ZNF599: variants seen among roughly 807,000 people sequenced by gnomAD.
The protein encoded by ZNF599 is zinc finger protein 599.
ZNF599 carries 10 observed loss-of-function variants against 11.7 expected under a neutral mutation model. The ratio of observed to expected loss-of-function variants is 0.86; its 90% CI spans 0.53 to 1.45. The LOEUF (loss-of-function observed/expected upper bound fraction) is 1.45, where lower values mean the gene tolerates loss of function less well. ZNF599 is among the 40% of genes most tolerant of loss of function. The pLI, the probability that ZNF599 is intolerant of heterozygous loss-of-function variation, is 0.00. For missense variants in ZNF599, 688 were observed against 713.6 expected (o/e 0.96, Z 0.41); for synonymous variants, 232 against 253.2 (o/e 0.92, Z 0.79).
chr19:34,767,357 A>G lies in ZNF599; in HGVS notation c.200T>C (p.Leu67Pro). Reference protein sequence around the residue: ...LIYLLEHGQELWTVKRGLSQS... With the variant: ...LIYLLEHGQEPWTVKRGLSQS... ...GGAGAGGCCTCTCTTCACTGTCCAC[A>G]GTTCCTGTCCATGTTCCAGTAGATA... Residue 67 changes from leucine (L) to proline (P), a missense_variant, in exon 3 of 4, where the codon CTG (leucine) becomes CCG (proline). Transcript: ENST00000329285. 1 of 1,614,196 alleles carries G rather than the reference A, an allele frequency of 6.2e-7. No individual in the cohort carries two copies. The highest frequency in any genetic ancestry group is 8.5e-7 in the Non-Finnish European group (1 of 1,180,028).
At chr19:34,791,264 G>A in the ZNF599 span, among the ~76,000 whole-genome samples, 1 of 152,172 alleles carries the variant, frequency 6.6e-6, no homozygotes, top group Non-Finnish European at 1.5e-5. Context: ...GCAATGTATG[G>A]GTGCAAGTGG....
intron 3 of ZNF599, among the ~76,000 whole-genome samples, chr19:34,761,931 T>A (rs1313910023): frequency 1.3e-5 from 2 of 151,926 alleles, no homozygotes; most frequent in Non-Finnish European, 2.9e-5. Context: ...AGAGTAAATA[T>A]AATAAACAAA....
chr19:34,773,730 C>T (rs1334772256), upstream of ZNF599, among the ~76,000 whole-genome samples: 2 of 152,184 alleles, frequency 1.3e-5, no homozygotes, highest in African/African-American at 4.8e-5. Flanking sequence ...CTCTGCTTAA[C>T]TTGTCCAGGA....
the ZNF599 span, among the ~76,000 whole-genome samples, chr19:34,806,986 C>T: frequency 6.6e-6 from 1 of 152,130 alleles, no homozygotes; most frequent in African/African-American, 2.4e-5. Context: ...GGCAAATGGG[C>T]CCAGTTTGGT....
chr19:34,774,091 C>T (rs1239084523), upstream of ZNF599, among the ~76,000 whole-genome samples: 1 of 152,160 alleles, frequency 6.6e-6, no homozygotes, highest in Non-Finnish European at 1.5e-5. Flanking sequence ...ACGGTATATG[C>T]AGGAGGGTTT....
At position 34,758,962 on chromosome 19, in the gene ZNF599, A is replaced by C. The variant is rs568424916; in HGVS notation, c.*72T>G. 6 of 1,468,040 alleles carry C rather than the reference A, an allele frequency of 4.1e-6. No individual in the cohort carries two copies. In the African/African-American group the frequency reaches 8.5e-5, roughly 21 times the overall value. 90.9% of individuals were successfully genotyped at this position (1,468,040 alleles called of 1,614,324 possible). A position where few individuals can be genotyped will look rare whatever the true frequency, so the allele number is the denominator to read the frequency against. On this transcript the variant is annotated 3_prime_UTR_variant, in exon 4 of 4. Transcript: ENST00000329285. ...AATATTTCCCTCAATAGTTATACTC[A>C]AAAGGAAAGGTATGTCACCACTATG...
upstream of ZNF599, among the ~76,000 whole-genome samples, chr19:34,777,439 ATATATATTAATTAATATATAATATAT>A (rs1002993561): frequency 2.0e-4 from 19 of 94,882 alleles, no homozygotes; most frequent in South Asian, 3.4e-3. Flanking sequence ...ATAATATATG[ATATATATTAATTAATATATAATATAT>A]TATATATTAA....
chr19:34,773,165 G>T lies in ZNF599; in HGVS notation c.-324C>A, dbSNP rs970122731. ...TGTCTGGCGTTCTACCCAGTGTAGC[G>T]TTGGCAACCACAGCAGCCGCAACCT... On this transcript the variant is annotated 5_prime_UTR_variant, in exon 1 of 4. Coordinates refer to ENST00000329285, the MANE Select transcript of ZNF599 (RefSeq NM_001007248.3). The T allele has an allele frequency of 1.7e-5, 6 of 348,850 alleles. No individual in the cohort carries two copies. Among genetic ancestry groups the T allele is most frequent in the Admixed American group, 1.4e-4 (3 of 21,372 alleles). The allele number at this position is 348,850 out of a possible 1,614,324, so 21.6% of individuals were successfully genotyped here.
chr19:34,800,535 C>T, the ZNF599 span, among the ~76,000 whole-genome samples: 123 of 150,486 alleles, frequency 8.2e-4, 1 homozygote, highest in South Asian at 7.8e-3. Context: ...ATGAGCCCTT[C>T]GAAGGCATTC....
At position 34,758,908 on chromosome 19, in the gene ZNF599, A is replaced by T; in HGVS notation, c.*126T>A. The T allele has an allele frequency of 1.1e-6, 1 of 891,634 alleles. No individual in the cohort carries two copies. The highest frequency in any genetic ancestry group is 1.8e-5 in the South Asian group (1 of 55,808). 55.2% of individuals were successfully genotyped at this position (891,634 alleles called of 1,614,324 possible). On this transcript the variant is annotated 3_prime_UTR_variant, in exon 4 of 4. Coordinates refer to ENST00000329285, the MANE Select transcript of ZNF599 (RefSeq NM_001007248.3). ...ATTCTGTTTCTAGTTAGTATAAATT[A>T]TCAGATACTAAGACATCTCTCTGGC...
At chr19:34,801,060 G>A in the ZNF599 span, among the ~76,000 whole-genome samples, 1 of 152,150 alleles carries the variant, frequency 6.6e-6, no homozygotes, top group Admixed American at 6.5e-5. Context: ...CCTCTGTGTG[G>A]TAAACATGAG....
At chr19:34,768,293 T>C (rs1256441977) in intron 2 of ZNF599, among the ~76,000 whole-genome samples, 2 of 152,250 alleles carry the variant, frequency 1.3e-5, no homozygotes, top group African/African-American at 4.8e-5. Context: ...ATGCTGCTCA[T>C]GTTGGTCCCT....
the ZNF599 span, among the ~76,000 whole-genome samples, chr19:34,806,583 T>G: frequency 6.6e-6 from 1 of 152,160 alleles, no homozygotes. Flanking sequence ...TGCAACAAAG[T>G]TGGCTGATGA....
chr19:34,759,240 T>C lies in ZNF599; in HGVS notation c.1561A>G (p.Asn521Asp). The C allele has an allele frequency of 6.2e-7, 1 of 1,614,050 alleles. No individual in the cohort carries two copies. ...ECGKAFTQPA[N>D]FVRHNRIHTG... ...TGGATCCTATTATGCCGAACAAAAT[T>C]TGCAGGTTGGGTAAAAGCCTTTCCA... Residue 521 changes from asparagine (N) to aspartate (D), a missense_variant, in exon 4 of 4, where the codon AAT becomes GAT. Asn to Asp is a conservative substitution (Grantham distance 23). Transcript: ENST00000329285.
rs773936046 is a variant in ZNF599, at chr19:34,758,088, ATTT to A, written c.*943_*945del. On this transcript the variant is annotated 3_prime_UTR_variant, in exon 4 of 4. Transcript: ENST00000329285. ...TACACAAACATGCTATAATTAAAAT[ATTT>A]TTATTATAAAGAATAATTATAATTA... 4.6e-5 allele frequency: 7 copies of A among 152,104 alleles called. No individual in the cohort carries two copies. Among genetic ancestry groups the A allele is most frequent in the Non-Finnish European group, 8.8e-5 (6 of 68,028 alleles). The allele number at this position is 152,104 out of a possible 1,614,324, so 9.4% of individuals were successfully genotyped here.
At chr19:34,799,561 T>C in the ZNF599 span, among the ~76,000 whole-genome samples, 2 of 152,238 alleles carry the variant, frequency 1.3e-5, no homozygotes, top group Non-Finnish European at 2.9e-5. Flanking sequence ...TGAACTTAAG[T>C]TCAAAATATG....
the ZNF599 span, among the ~76,000 whole-genome samples, chr19:34,799,928 A>G: frequency 6.6e-6 from 1 of 152,266 alleles, no homozygotes; most frequent in African/African-American, 2.4e-5. Flanking sequence ...CTTCCACTCT[A>G]CATACTTGTC....
At chr19:34,784,681 T>A in the ZNF599 span, among the ~76,000 whole-genome samples, 1 of 152,018 alleles carries the variant, frequency 6.6e-6, no homozygotes, top group Non-Finnish European at 1.5e-5. Context: ...GACTGGTGAA[T>A]AAACTCCATC....
chr19:34,761,486 G>C (rs888679871), intron 3 of ZNF599, among the ~76,000 whole-genome samples: 1 of 152,142 alleles, frequency 6.6e-6, no homozygotes, highest in Non-Finnish European at 1.5e-5. Context: ...TAGAGACCAG[G>C]ATAACTCTGA....
Sources: gnomAD v4.1 joint callset for allele counts (sites outside exome capture counted in the v4.1 genomes callset) on GRCh38, gnomAD v4.1.1 for gene constraint, MANE v1.5 for transcripts, NCBI Gene and HGNC (gene_info 2026-07-23, HGNC 2026-07-21) for gene names.